KIAA0753: variants seen among roughly 807,000 people sequenced by gnomAD.
KIAA0753 encodes the protein protein moonraker.
A neutral mutation model predicts 116.9 loss-of-function variants in KIAA0753; 114 were observed. That is an observed-to-expected ratio of 0.98 (90% CI 0.84 to 1.14). KIAA0753 has a LOEUF of 1.14. Ranked by LOEUF, KIAA0753 falls within the 50% of genes most tolerant of loss-of-function variation. KIAA0753 has a pLI of 0.00. For missense variants in KIAA0753, 1,156 were observed against 1,172.4 expected, an observed-to-expected ratio of 0.99 and a Z score of 0.20; for synonymous variants, 405 against 413.1, an observed-to-expected ratio of 0.98 and a Z score of 0.24.
intron 7 of KIAA0753, among the ~76,000 whole-genome samples, chr17:6,619,896 A>AG (rs1437824796): frequency 2.0e-5 from 3 of 152,348 alleles, no homozygotes; most frequent in Non-Finnish European, 4.4e-5. Context: ...ACACATCAGT[A>AG]TTTTATACAT....
At chr17:6,625,434 A>C (rs1971602710) in intron 3 of KIAA0753, among the ~76,000 whole-genome samples, 1 of 152,098 alleles carries the variant, frequency 6.6e-6, no homozygotes, top group African/African-American at 2.4e-5. Flanking sequence ...TGGGAGGCTG[A>C]GATGGGCGGA....
intron 3 of KIAA0753, among the ~76,000 whole-genome samples, chr17:6,625,439 G>C (rs1971603154): frequency 6.6e-6 from 1 of 152,052 alleles, no homozygotes; most frequent in South Asian, 2.1e-4. Flanking sequence ...GGCTGAGATG[G>C]GCGGATCACC....
chr17:6,586,619 C>T (rs905211437), intron 18 of KIAA0753, among the ~76,000 whole-genome samples: 1 of 152,184 alleles, frequency 6.6e-6, no homozygotes, highest in Non-Finnish European at 1.5e-5. Context: ...GAAACATATA[C>T]ATTCATCTGT....
intron 3 of KIAA0753, among the ~76,000 whole-genome samples, chr17:6,626,423 C>T (rs1231124585): frequency 2.0e-5 from 3 of 152,204 alleles, no homozygotes; most frequent in Admixed American, 6.5e-5. Context: ...GATACAGATG[C>T]AGTCTCAAGA....
At chr17:6,636,107 T>C (rs1275353434) in intron 1 of KIAA0753, 1 of 152,210 alleles carries the variant, frequency 6.6e-6, no homozygotes, top group Non-Finnish European at 1.5e-5. Flanking sequence ...GTAAATCAAT[T>C]GGGAAATTCA....
chr17:6,618,419 C>T (rs1046993533), intron 7 of KIAA0753, among the ~76,000 whole-genome samples: 1 of 152,232 alleles, frequency 6.6e-6, no homozygotes, highest in African/African-American at 2.4e-5. Context: ...AAGCATAGGT[C>T]ACAACCTGGG....
At chr17:6,615,433 T>C (rs1450258104) in intron 7 of KIAA0753, among the ~76,000 whole-genome samples, 3 of 151,954 alleles carry the variant, frequency 2.0e-5, no homozygotes, top group Non-Finnish European at 4.4e-5. Context: ...CTGGAAAATG[T>C]CCCCTTTAAG....
At chr17:6,599,847 C>T (rs1597495204) in intron 13 of KIAA0753, among the ~76,000 whole-genome samples, 1 of 152,122 alleles carries the variant, frequency 6.6e-6, no homozygotes, top group South Asian at 2.1e-4. Context: ...TCTAGTCATA[C>T]ACACAAGATT....
At chr17:6,623,838 A>C in intron 4 of KIAA0753, 1 of 311,100 alleles carries the variant, frequency 3.2e-6, no homozygotes, top group East Asian at 7.1e-5. Context: ...GGTGGAGGTG[A>C]CTCTGGAAAT....
Position 6,623,538 on chromosome 17 carries a change from T to C in KIAA0753, c.859A>G (p.Ser287Gly), listed in dbSNP as rs1971465036. The C allele has an allele frequency of 6.2e-7, 1 of 1,610,254 alleles. No homozygotes were observed. Among genetic ancestry groups the C allele is most frequent in the Non-Finnish European group, 8.5e-7 (1 of 1,177,678 alleles). The stretch of plus-strand genomic sequence containing the variant: ...TTAGTGTGTTTAATTTTATGTGGAC[T>C]CAATTTATCCAATTCTTCCTGGATT... ...KEIQEELDKL[S>G]PHKIKHTKKS... The change falls in exon 5 of 19, where the codon AGT (serine) becomes GGT (glycine). Residue 287 changes from serine (S) to glycine (G), a missense_variant. Transcript: ENST00000361413.
At chr17:6,615,059 A>G (rs1023257984) in intron 7 of KIAA0753, among the ~76,000 whole-genome samples, 69 of 152,238 alleles carry the variant, frequency 4.5e-4, no homozygotes, top group African/African-American at 1.3e-3. Flanking sequence ...TCGGCCTCCC[A>G]AAGTGCTGGG....
intron 2 of KIAA0753, among the ~76,000 whole-genome samples, chr17:6,634,464 T>A (rs1296312989): frequency 6.6e-6 from 1 of 152,186 alleles, no homozygotes; most frequent in Admixed American, 6.5e-5. Context: ...TACTCATGCC[T>A]GCAATTGACT....
chr17:6,616,661 C>A (rs1447007103), intron 7 of KIAA0753, among the ~76,000 whole-genome samples: 4 of 152,114 alleles, frequency 2.6e-5, no homozygotes, highest in Non-Finnish European at 1.5e-5. Context: ...CCTATCTCTA[C>A]TAAAAGTACA....
intron 7 of KIAA0753, among the ~76,000 whole-genome samples, chr17:6,615,840 A>AATT (rs1388559775): frequency 2.0e-5 from 3 of 152,118 alleles, no homozygotes; most frequent in African/African-American, 7.2e-5. Context: ...GCAATCAACC[A>AATT]ATTTAAGAAC....
At chr17:6,631,824 T>A (rs1465675916) in intron 2 of KIAA0753, among the ~76,000 whole-genome samples, 1 of 152,208 alleles carries the variant, frequency 6.6e-6, no homozygotes, top group Non-Finnish European at 1.5e-5. Context: ...CAAAGTCTCC[T>A]TGGATAAATG....
intron 7 of KIAA0753, among the ~76,000 whole-genome samples, chr17:6,619,161 A>G (rs1234280985): frequency 6.6e-6 from 1 of 152,028 alleles, no homozygotes; most frequent in East Asian, 1.9e-4. Flanking sequence ...CCTGGGAGGC[A>G]GAGGTTGCAG....
chr17:6,628,343 T>A lies in KIAA0753; in HGVS notation c.492A>T (p.Val164=). 6.2e-7 allele frequency: 1 copy of A among 1,614,176 alleles called. No individual in the cohort carries two copies. The highest frequency in any genetic ancestry group is 1.1e-5 in the South Asian group (1 of 91,086). ...CTTTGGCACCAGAGCTGGAGATTTC[T>A]ACTTTGGATGGCTGGTGGCTACACT... The part of the protein sequence containing the change: ...ACQCSHQPSK[V]EISSSGAKVY... The change falls in exon 3 of 19, where the codon GTA becomes GTT. Residue 164 remains valine (V), a synonymous_variant. Coordinates refer to ENST00000361413, the MANE Select transcript of KIAA0753 (RefSeq NM_014804.3).
chr17:6,620,682 TG>T, intron 7 of KIAA0753, 105 bp downstream of exon 7: 1 of 1,059,010 alleles, frequency 9.4e-7, no homozygotes, highest in South Asian at 1.3e-5. Context: ...TCATCTGTTG[TG>T]GGCTAGGTCC....
chr17:6,611,873 T>C (rs938785255), intron 8 of KIAA0753, 46 bp downstream of exon 8: 1 of 1,523,586 alleles, frequency 6.6e-7, no homozygotes, highest in Non-Finnish European at 9.1e-7. Context: ...ACCTTGACAA[T>C]GTCAGATTAA....
Sources: allele counts gnomAD v4.1 joint callset (sites outside exome capture counted in the v4.1 genomes callset), GRCh38; gene constraint gnomAD v4.1.1; transcripts MANE v1.5; gene names NCBI Gene and HGNC (gene_info 2026-07-23, HGNC 2026-07-21).